Variants in SYCP1 observed in about 807,000 individuals in gnomAD.
SYCP1 encodes the protein synaptonemal complex protein 1.
Under a neutral mutation model 153.1 loss-of-function variants are expected in SYCP1, and 64 were observed. The observed-to-expected ratio is 0.42, with a 90% CI of 0.34 to 0.51. SYCP1 has a LOEUF of 0.51. Among genes scored for constraint, SYCP1 ranks in the 20% least tolerant of loss-of-function variants. The pLI is 0.06. For synonymous variants in SYCP1, 384 were observed against 341.8 expected, an observed-to-expected ratio of 1.12 and a Z score of -1.36; for missense variants, 997 against 1,049.0, an observed-to-expected ratio of 0.95 and a Z score of 0.68.
intron 12 of SYCP1, among the ~76,000 whole-genome samples, chr1:114,882,085 T>C (rs1402120548): frequency 6.6e-6 from 1 of 152,098 alleles, no homozygotes; most frequent in Non-Finnish European, 1.5e-5. Context: ...CTTGGGAGGC[T>C]GAGGTGGAAG....
At chr1:114,987,840 A>C (rs1673623429) in intron 30 of SYCP1, among the ~76,000 whole-genome samples, 1 of 151,968 alleles carries the variant, frequency 6.6e-6, no homozygotes, top group South Asian at 2.1e-4. Context: ...AAAGTAGCTC[A>C]AATTGCTAAA....
At chr1:114,962,309 G>A (rs760350703) in intron 27 of SYCP1, among the ~76,000 whole-genome samples, 5 of 151,940 alleles carry the variant, frequency 3.3e-5, no homozygotes, top group African/African-American at 4.8e-5. Flanking sequence ...TTTAAGGTCT[G>A]GTAGTCATTG....
intron 27 of SYCP1, among the ~76,000 whole-genome samples, chr1:114,967,040 CTGTT>C (rs1430539911): frequency 1.1e-4 from 16 of 152,238 alleles, no homozygotes; most frequent in Non-Finnish European, 1.5e-4. Flanking sequence ...GTCTGAGAGA[CTGTT>C]TGTAATGATT....
rs1674197698 is a variant in SYCP1 at position 114,995,123 on chromosome 1, A to C, written c.*104A>C. On this transcript the variant is annotated 3_prime_UTR_variant, in exon 32 of 32. Coordinates refer to ENST00000369522, the MANE Select transcript of SYCP1 (RefSeq NM_003176.4). ...AAATTTTATCTGGAAGTTGAGACTT[A>C]AAAAATACTTGCATGAATGATTTGT... 8.9e-7 allele frequency: 1 copy of C among 1,124,770 alleles called. No individual in the cohort carries two copies. The highest frequency in any genetic ancestry group is 3.0e-5 in the Admixed American group (1 of 33,106). 69.7% of individuals were successfully genotyped at this position (1,124,770 alleles called of 1,614,324 possible). A position where few individuals can be genotyped will look rare whatever the true frequency, so the allele number is the denominator to read the frequency against.
intron 27 of SYCP1, among the ~76,000 whole-genome samples, chr1:114,973,245 G>A (rs1672603412): frequency 6.6e-6 from 1 of 152,016 alleles, no homozygotes; most frequent in Non-Finnish European, 1.5e-5. Flanking sequence ...GGAATCTTCT[G>A]TTTAAGAAGT....
At chr1:114,890,542 TGCATAG>T (rs954616107) in intron 15 of SYCP1, among the ~76,000 whole-genome samples, 2 of 152,092 alleles carry the variant, frequency 1.3e-5, no homozygotes, top group Non-Finnish European at 2.9e-5. Context: ...CAATGTGTAC[TGCATAG>T]TTGGAAAAGG....
intron 23 of SYCP1, among the ~76,000 whole-genome samples, chr1:114,943,211 G>A (rs564872626): frequency 6.6e-6 from 1 of 151,990 alleles, no homozygotes; most frequent in African/African-American, 2.4e-5. Context: ...AGTTGAATAT[G>A]TAACCTGCCC....
At chr1:114,886,377 G>A in intron 14 of SYCP1, 68 bp downstream of exon 14, 1 of 1,346,748 alleles carries the variant, frequency 7.4e-7, no homozygotes, top group Non-Finnish European at 9.7e-7. Flanking sequence ...AATATTCAAT[G>A]CCATTTTCTT....
At chr1:114,889,296 G>T (rs1666532624) in intron 15 of SYCP1, among the ~76,000 whole-genome samples, 1 of 152,142 alleles carries the variant, frequency 6.6e-6, no homozygotes, top group Non-Finnish European at 1.5e-5. Flanking sequence ...CTTCCACAAT[G>T]GTTGAACTAA....
At chr1:114,921,447 G>T (rs1034849652) in intron 20 of SYCP1, among the ~76,000 whole-genome samples, 6 of 152,048 alleles carry the variant, frequency 3.9e-5, no homozygotes, top group African/African-American at 1.4e-4. Flanking sequence ...GGGAGGCTGA[G>T]GGGGGCAGAT....
chr1:114,985,545 A>G (rs1557853855), intron 30 of SYCP1, among the ~76,000 whole-genome samples: 1 of 151,932 alleles, frequency 6.6e-6, no homozygotes, highest in Non-Finnish European at 1.5e-5. Context: ...TCTTAATGAC[A>G]AAATCCCAGT....
chr1:114,924,066 T>C (rs550406185), intron 21 of SYCP1, among the ~76,000 whole-genome samples: 17 of 152,350 alleles, frequency 1.1e-4, no homozygotes, highest in African/African-American at 3.8e-4. Flanking sequence ...GACCACCTAC[T>C]ATGTGCCAGG....
Position 114,984,882 on chromosome 1 carries a change from A to C in SYCP1, c.2703+14A>C, listed in dbSNP as rs1673396633. 7.9e-7 allele frequency: 1 copy of C among 1,258,280 alleles called. No homozygotes were observed. The highest frequency in any genetic ancestry group is 1.6e-5 in the African/African-American group (1 of 63,950). The allele number at this position is 1,258,280 out of a possible 1,614,324, so 77.9% of individuals were successfully genotyped here. ...ACTGATCTTTTGGTAAAAATTTTAC[A>C]AATAATATTTAGTATTTATTTATAT... On this transcript the variant is annotated intron_variant, in intron 30 of 31. Coordinates refer to ENST00000369522, the MANE Select transcript of SYCP1 (RefSeq NM_003176.4).
intron 23 of SYCP1, among the ~76,000 whole-genome samples, chr1:114,940,416 T>TAATTAATTA (rs1670312651): frequency 6.6e-6 from 1 of 152,170 alleles, no homozygotes; most frequent in East Asian, 1.9e-4. Context: ...GATGAGTTCT[T>TAATTAATTA]AGATCATTAA....
At chr1:114,900,673 G>C (rs973949717) in intron 16 of SYCP1, among the ~76,000 whole-genome samples, 1 of 152,182 alleles carries the variant, frequency 6.6e-6, no homozygotes, top group Non-Finnish European at 1.5e-5. Context: ...TGTCATAATA[G>C]TAACTTTTAG....
chr1:114,857,155 AAAG>A, intron 3 of SYCP1, 74 bp from the exon 4 acceptor site: 20 of 982,814 alleles, frequency 2.0e-5, no homozygotes, highest in South Asian at 8.9e-5. Context: ...AAAAAAAAAA[AAAG>A]AGAAAAAAGA....
intron 27 of SYCP1, among the ~76,000 whole-genome samples, chr1:114,952,800 G>T (rs989091867): frequency 9.9e-5 from 15 of 152,126 alleles, no homozygotes; most frequent in Non-Finnish European, 2.1e-4. Flanking sequence ...AATTAGACTT[G>T]TTTTTACCTG....
chr1:114,946,269 G>A lies in SYCP1; in HGVS notation c.2155-20G>A, dbSNP rs775499443. ...TATTCAGTTTTAATATATCTAAAAT[G>A]TCTTCTTTGTTTAATATAGCACCAA... is the stretch of plus-strand genomic sequence containing the variant. On this transcript the variant is annotated intron_variant, in intron 25 of 31. Coordinates refer to ENST00000369522, the MANE Select transcript of SYCP1 (RefSeq NM_003176.4). The A allele has an allele frequency of 4.3e-6, 6 of 1,400,116 alleles. No homozygotes were observed. Among genetic ancestry groups the A allele is most frequent in the East Asian group, 2.7e-5 (1 of 36,850 alleles). The allele number at this position is 1,400,116 out of a possible 1,614,324, so 86.7% of individuals were successfully genotyped here. A position where few individuals can be genotyped will look rare whatever the true frequency, so the allele number is the denominator to read the frequency against.
chr1:114,883,165 A>G (rs1666071446), intron 12 of SYCP1, among the ~76,000 whole-genome samples: 1 of 152,108 alleles, frequency 6.6e-6, no homozygotes, highest in Non-Finnish European at 1.5e-5. Context: ...TTAATATTTG[A>G]TCTTGAATTT....
Sources: gnomAD v4.1 joint callset for allele counts (sites outside exome capture counted in the v4.1 genomes callset) on GRCh38, gnomAD v4.1.1 for gene constraint, MANE v1.5 for transcripts, NCBI Gene and HGNC (gene_info 2026-07-23, HGNC 2026-07-21) for gene names.